UBE2G1: variants seen among roughly 807,000 people sequenced by gnomAD.
UBE2G1 encodes ubiquitin-conjugating enzyme E2 G1.
A neutral mutation model predicts 22.7 loss-of-function variants in UBE2G1; 5 were observed. The observed-to-expected ratio is 0.22, with a 90% CI of 0.12 to 0.46. UBE2G1 has a LOEUF of 0.46. UBE2G1 is among the 20% of genes least tolerant of loss of function. UBE2G1 has a pLI of 0.99. For missense variants in UBE2G1, 88 were observed against 203.9 expected (o/e 0.43, Z 3.46); for synonymous variants, 74 against 67.5 (o/e 1.10, Z -0.47).
intron 1 of UBE2G1, among the ~76,000 whole-genome samples, chr17:4,315,817 TC>T (rs533730535): frequency 0.039 from 2,936 of 74,412 alleles, 177 homozygotes; most frequent in African/African-American, 0.12. Flanking sequence ...TTTTTTTTTT[TC>T]CTCCCTGAGA....
intron 2 of UBE2G1, among the ~76,000 whole-genome samples, chr17:4,299,087 G>GT: frequency 6.6e-6 from 1 of 152,074 alleles, no homozygotes; most frequent in East Asian, 1.9e-4. Context: ...CACTATCAAA[G>GT]TTTTTTTGTT....
intron 2 of UBE2G1, among the ~76,000 whole-genome samples, chr17:4,299,456 C>T (rs1969148761): frequency 6.6e-6 from 1 of 152,144 alleles, no homozygotes; most frequent in African/African-American, 2.4e-5. Flanking sequence ...CCACAAAGCC[C>T]CTGCACTTGA....
At chr17:4,363,986 CG>C (rs1175743020) in intron 1 of UBE2G1, among the ~76,000 whole-genome samples, 1 of 142,604 alleles carries the variant, frequency 7.0e-6, no homozygotes, top group African/African-American at 2.6e-5. Flanking sequence ...AAGATGCAGA[CG>C]GGCACGGTGG....
chr17:4,322,382 G>A lies in UBE2G1; in HGVS notation c.47-15259C>T, dbSNP rs536096391. ...ACCCTCTGTTGTATCTTCCTATCAT[G>A]CCTTGAACTCCTCCTCAAACTCTTC... On this transcript the variant is annotated intron_variant, in intron 1 of 5. Coordinates refer to ENST00000396981, the MANE Select transcript of UBE2G1 (RefSeq NM_003342.5). Among the ~76,000 whole-genome samples, 3 of 152,298 alleles carry A rather than the reference G, an allele frequency of 2.0e-5. No individual in the cohort carries two copies. In the South Asian group the frequency reaches 6.2e-4, roughly 32 times the overall value.
chr17:4,337,720 A>G (rs1969665976), intron 1 of UBE2G1, among the ~76,000 whole-genome samples: 1 of 152,134 alleles, frequency 6.6e-6, no homozygotes, highest in Non-Finnish European at 1.5e-5. Flanking sequence ...TAATAAAGCT[A>G]TACTCAGAGG....
intron 3 of UBE2G1, among the ~76,000 whole-genome samples, chr17:4,295,134 C>T (rs1969094101): frequency 6.6e-6 from 1 of 152,056 alleles, no homozygotes; most frequent in African/African-American, 2.4e-5. Flanking sequence ...AAACGATTGC[C>T]TATTATAATC....
chr17:4,344,651 G>A (rs9907880), intron 1 of UBE2G1, among the ~76,000 whole-genome samples: 5,407 of 151,608 alleles, frequency 0.036, 346 homozygotes, highest in African/African-American at 0.12. Context: ...GTTTGAGACC[G>A]GCCTGGGCAA....
At chr17:4,326,451 T>G (rs1442804309) in intron 1 of UBE2G1, among the ~76,000 whole-genome samples, 1 of 152,162 alleles carries the variant, frequency 6.6e-6, no homozygotes, top group African/African-American at 2.4e-5. Flanking sequence ...TTGACAAGAA[T>G]GTAGAGAAAT....
At chr17:4,314,394 A>G (rs1969344088) in intron 1 of UBE2G1, among the ~76,000 whole-genome samples, 1 of 152,244 alleles carries the variant, frequency 6.6e-6, no homozygotes, top group Non-Finnish European at 1.5e-5. Context: ...AATGCTTGAA[A>G]TATGCAAGTT....
chr17:4,351,012 G>A (rs536482251), intron 1 of UBE2G1, among the ~76,000 whole-genome samples: 42 of 149,320 alleles, frequency 2.8e-4, no homozygotes, highest in Non-Finnish European at 5.6e-4. Context: ...CAGCCTGGGC[G>A]ACAGAGCAAG....
At chr17:4,332,835 G>A (rs1969595234) in intron 1 of UBE2G1, among the ~76,000 whole-genome samples, 2 of 152,086 alleles carry the variant, frequency 1.3e-5, no homozygotes, top group African/African-American at 4.8e-5. Context: ...TCGGTCCACT[G>A]TCACCCTATT....
chr17:4,317,797 T>A (rs952243317), intron 1 of UBE2G1, among the ~76,000 whole-genome samples: 1 of 152,236 alleles, frequency 6.6e-6, no homozygotes, highest in African/African-American at 2.4e-5. Context: ...CTAAGTACGT[T>A]GTTGCTTGTG....
intron 4 of UBE2G1, 72 bp from the exon 5 acceptor site, chr17:4,282,993 A>G: frequency 8.1e-7 from 1 of 1,240,380 alleles, no homozygotes; most frequent in Non-Finnish European, 1.1e-6. Flanking sequence ...ATTTATTTTA[A>G]TTTTGAATGT....
intron 4 of UBE2G1, among the ~76,000 whole-genome samples, chr17:4,287,772 G>C (rs1968983909): frequency 6.6e-6 from 1 of 152,020 alleles, no homozygotes; most frequent in Non-Finnish European, 1.5e-5. Context: ...TTCAAAGAAG[G>C]AGAGAAGGCT....
chr17:4,339,206 T>C (rs1478672372), intron 1 of UBE2G1, among the ~76,000 whole-genome samples: 1 of 152,092 alleles, frequency 6.6e-6, no homozygotes, highest in African/African-American at 2.4e-5. Flanking sequence ...TCTTCTTGGG[T>C]TATATTTACT....
intron 3 of UBE2G1, among the ~76,000 whole-genome samples, chr17:4,293,105 A>G (rs146171396): frequency 6.6e-6 from 1 of 152,228 alleles, no homozygotes; most frequent in Non-Finnish European, 1.5e-5. Flanking sequence ...CCTACAATGA[A>G]ACGCAGTACC....
intron 1 of UBE2G1, among the ~76,000 whole-genome samples, chr17:4,357,512 G>GGT (rs1344095565): frequency 1.2e-5 from 1 of 84,152 alleles, no homozygotes; most frequent in East Asian, 3.9e-4. Flanking sequence ...TGTGTGTGGG[G>GGT]GGGGGGGGTG....
chr17:4,276,141 C>G (rs1349130270), intron 5 of UBE2G1, among the ~76,000 whole-genome samples: 1 of 152,158 alleles, frequency 6.6e-6, no homozygotes, highest in Non-Finnish European at 1.5e-5. Context: ...TAACCTCTAT[C>G]CTAACCACCT....
At chr17:4,291,803 C>T (rs1341036359) in intron 3 of UBE2G1, among the ~76,000 whole-genome samples, 1 of 152,072 alleles carries the variant, frequency 6.6e-6, no homozygotes, top group Non-Finnish European at 1.5e-5. Flanking sequence ...TCATATATAA[C>T]ATCTGGTTTA....
Sources: gnomAD v4.1 joint callset for allele counts (sites outside exome capture counted in the v4.1 genomes callset) on GRCh38, gnomAD v4.1.1 for gene constraint, MANE v1.5 for transcripts, NCBI Gene and HGNC (gene_info 2026-07-23, HGNC 2026-07-21) for gene names.